Variants in MBP observed in about 807,000 individuals in gnomAD.
MBP encodes the protein myelin basic protein.
A neutral mutation model predicts 35.8 loss-of-function variants in MBP; 16 were observed. The ratio of observed to expected loss-of-function variants is 0.45; its 90% CI spans 0.30 to 0.68. MBP has a LOEUF of 0.68. MBP is among the 30% of genes least tolerant of loss of function. The probability of loss-of-function intolerance (pLI) is 0.08; values close to 1 mark genes in which losing one functional copy is unlikely to be tolerated. For missense variants in MBP, 380 were observed against 404.7 expected, an observed-to-expected ratio of 0.94 and a Z score of 0.52; for synonymous variants, 143 against 159.6, an observed-to-expected ratio of 0.90 and a Z score of 0.78.
chr18:77,062,814 G>A (rs1245849247), intron 3 of MBP, among the ~76,000 whole-genome samples: 1 of 152,208 alleles, frequency 6.6e-6, no homozygotes, highest in East Asian at 1.9e-4. Context: ...TTAACTCGGG[G>A]ACTCTCTTAT....
At chr18:77,104,684 T>G (rs1976187611) in intron 2 of MBP, among the ~76,000 whole-genome samples, 1 of 152,180 alleles carries the variant, frequency 6.6e-6, no homozygotes, top group African/African-American at 2.4e-5. Flanking sequence ...AACCAGCAGC[T>G]AGTTAGAGAG....
At chr18:77,088,966 G>T (rs917357383) in intron 2 of MBP, among the ~76,000 whole-genome samples, 3 of 152,216 alleles carry the variant, frequency 2.0e-5, no homozygotes, top group Non-Finnish European at 4.4e-5. Context: ...CTGCTCCGAT[G>T]GACAAGGCCC....
chr18:77,119,694 T>C (rs971075977), intron 1 of MBP, among the ~76,000 whole-genome samples: 1 of 152,168 alleles, frequency 6.6e-6, no homozygotes, highest in Non-Finnish European at 1.5e-5. Context: ...AGCCAGGACT[T>C]AAGGCTCCTC....
chr18:77,025,705 C>CTTTTTTTTTTTTTTTTTTTT (rs540022394), intron 3 of MBP, among the ~76,000 whole-genome samples: 6 of 108,826 alleles, frequency 5.5e-5, no homozygotes, highest in East Asian at 6.7e-4. Flanking sequence ...TATTGAAATA[C>CTTTTTTTTTTTTTTTTTTTT]TTTTTTTTTT....
chr18:77,039,218 T>G (rs1272697044), intron 3 of MBP, among the ~76,000 whole-genome samples: 1 of 152,146 alleles, frequency 6.6e-6, no homozygotes, highest in Non-Finnish European at 1.5e-5. Flanking sequence ...AAATATATAC[T>G]GTCTGGCCCT....
chr18:77,079,758 T>G (rs1398963935), intron 2 of MBP, among the ~76,000 whole-genome samples: 1 of 152,234 alleles, frequency 6.6e-6, no homozygotes, highest in African/African-American at 2.4e-5. Context: ...TCTAGTTCTC[T>G]TTTTAAGAAG....
chr18:77,117,845 A>G (rs1213573057), intron 1 of MBP, among the ~76,000 whole-genome samples: 7 of 18,860 alleles, frequency 3.7e-4, no homozygotes, highest in Non-Finnish European at 6.5e-4. Flanking sequence ...AGTGGGTTGG[A>G]GTGGGATGGG....
intron 4 of MBP, chr18:77,003,182 C>A (rs534334269): frequency 3.9e-5 from 6 of 152,296 alleles, no homozygotes; most frequent in African/African-American, 1.4e-4. Flanking sequence ...TCAGTTCCTC[C>A]TTTCAGTGGA....
chr18:76,987,359 A>C (rs1969615427), intron 7 of MBP: 1 of 985,472 alleles, frequency 1.0e-6, no homozygotes, highest in African/African-American at 1.7e-5. Context: ...ATCGTTTTGC[A>C]AATTCATTAG....
At chr18:77,048,011 C>T (rs1019790372) in intron 3 of MBP, among the ~76,000 whole-genome samples, 5 of 152,192 alleles carry the variant, frequency 3.3e-5, no homozygotes, top group Admixed American at 6.5e-5. Flanking sequence ...GTGATGATTA[C>T]GCAATGCCAG....
intron 4 of MBP, among the ~76,000 whole-genome samples, chr18:76,997,784 G>T (rs1188853937): frequency 6.6e-6 from 1 of 151,018 alleles, no homozygotes; most frequent in African/African-American, 2.5e-5. Context: ...CCGGGTTCAC[G>T]CCACTCTCCT....
intron 4 of MBP, chr18:77,005,748 G>A (rs2123346912): frequency 6.6e-6 from 1 of 152,642 alleles, no homozygotes. Context: ...AGAGGGGCCA[G>A]GGCCAGCAGG....
chr18:77,008,994 T>C (rs1971165621), intron 4 of MBP, among the ~76,000 whole-genome samples: 1 of 152,188 alleles, frequency 6.6e-6, no homozygotes, highest in Non-Finnish European at 1.5e-5. Flanking sequence ...AGCTGTGAAA[T>C]GTTCTCGCTA....
Position 77,034,155 on chromosome 18 carries a change from A to C in MBP, c.140-16887T>G, listed in dbSNP as rs548967057. ...CACTGGTGGCAGAAGTGGAAGTCAGAGAGATTCTAGGCTGAGAAGGATTTG... is the reference window on the plus strand; with the variant it reads ...CACTGGTGGCAGAAGTGGAAGTCAGCGAGATTCTAGGCTGAGAAGGATTTG... On this transcript the variant is annotated intron_variant, in intron 3 of 8. Coordinates refer to ENST00000355994, the MANE Select transcript of MBP (RefSeq NM_001025101.2). Among the ~76,000 whole-genome samples the C allele has an allele frequency of 9.6e-4, 145 of 151,114 alleles. 2 individuals are homozygous for C. The Middle Eastern group carries it at 0.017, about 18-fold the overall frequency.
intron 2 of MBP, among the ~76,000 whole-genome samples, chr18:77,104,300 G>C (rs1976168587): frequency 6.6e-6 from 1 of 152,206 alleles, no homozygotes; most frequent in African/African-American, 2.4e-5. Context: ...CGTCTGCATT[G>C]GGATCTAAGG....
intron 3 of MBP, among the ~76,000 whole-genome samples, chr18:77,026,326 G>T (rs928212039): frequency 7.2e-5 from 11 of 152,234 alleles, no homozygotes; most frequent in African/African-American, 2.2e-4. Flanking sequence ...TTGTTCTAAA[G>T]CCAGGGGTTT....
chr18:77,118,720 A>T (rs914483136), intron 1 of MBP, among the ~76,000 whole-genome samples: 1 of 142,710 alleles, frequency 7.0e-6, no homozygotes, highest in African/African-American at 2.7e-5. Context: ...CACTATATGC[A>T]TACCACACAC....
chr18:77,016,999 G>C lies in MBP; in HGVS notation c.409C>G (p.Gln137Glu). 6.2e-7 allele frequency: 1 copy of C among 1,614,094 alleles called. No homozygotes were observed. Among genetic ancestry groups the C allele is most frequent in the Non-Finnish European group, 8.5e-7 (1 of 1,180,016 alleles). The change falls in exon 4 of 9, where the codon CAG becomes GAG. Residue 137 changes from glutamine to glutamate, a missense_variant. Physicochemically the swap from Gln to Glu is conservative, Grantham distance 29 (BLOSUM62 2). Transcript: ENST00000355994. Reference protein sequence around the residue: ...TSESLDVMASQKRPSQRHGSK... With the variant: ...TSESLDVMASEKRPSQRHGSK... ...CCGTGCCTCTGGGAGGGTCTCTTCT[G>C]TGACGCCATCACATCCAGGCTCTCG... is the stretch of plus-strand genomic sequence containing the variant.
rs10713423 is a variant in MBP, at chr18:77,015,265, A to AT, written c.576+1566dup. The stretch of plus-strand genomic sequence containing the variant: ...CATCTTTTCTGCACAGTTTAAGTAC[A>AT]TTTTTTTTTTCTGTACCTTGAAGTA... On this transcript the variant is annotated intron_variant, in intron 4 of 8. Transcript: ENST00000355994. 1,326 of 927,306 alleles carry AT rather than the reference A, an allele frequency of 1.4e-3. 1 individual carries two copies. Among genetic ancestry groups the AT allele is most frequent in the South Asian group, 1.8e-3 (35 of 19,742 alleles). The allele number at this position is 927,306 out of a possible 1,614,324, so 57.4% of individuals were successfully genotyped here. A position where few individuals can be genotyped will look rare whatever the true frequency, so the allele number is the denominator to read the frequency against.
Sources: allele counts gnomAD v4.1 joint callset (sites outside exome capture counted in the v4.1 genomes callset), GRCh38; gene constraint gnomAD v4.1.1; transcripts MANE v1.5; gene names NCBI Gene and HGNC (gene_info 2026-07-23, HGNC 2026-07-21).